The following ERAP1 variants were observed in gnomAD, a reference collection of about 807,000 sequenced individuals.
ERAP1 encodes adipocyte-derived leucine aminopeptidase.
A neutral mutation model predicts 103.7 loss-of-function variants in ERAP1; 86 were observed. The ratio of observed to expected loss-of-function variants is 0.83; its 90% CI spans 0.70 to 0.99. ERAP1 has a LOEUF of 0.99. ERAP1 is among the 50% of genes least tolerant of loss of function. The pLI is 0.00. For synonymous variants in ERAP1, 398 were observed against 402.4 expected (o/e 0.99, Z 0.13); for missense variants, 1,009 against 1,128.4 (o/e 0.89, Z 1.52).
rs763122345 is a variant in ERAP1 at position 96,776,220 on chromosome 5, C to T, written c.*176G>A. The T allele has an allele frequency of 3.6e-5, 33 of 912,602 alleles. No individual in the cohort carries two copies. The highest frequency in any genetic ancestry group is 2.7e-4 in the Middle Eastern group (1 of 3,682). 56.5% of individuals were successfully genotyped at this position (912,602 alleles called of 1,614,324 possible). On this transcript the variant is annotated 3_prime_UTR_variant, in exon 19 of 19. Coordinates refer to ENST00000443439, the MANE Select transcript of ERAP1 (RefSeq NM_001040458.3). ...CTGTGATGAACAAAACACATGGTAG[C>T]GATAGCCCATTCATGAAAAACTAAC...
the ERAP1 span, among the ~76,000 whole-genome samples, chr5:96,819,108 T>C: frequency 6.6e-6 from 1 of 151,694 alleles, no homozygotes; most frequent in Non-Finnish European, 1.5e-5. Flanking sequence ...ATATTTTTAA[T>C]AGAGACGGGG....
Position 96,774,732 on chromosome 5 carries a change from T to C in ERAP1, c.*1664A>G. The C allele has an allele frequency of 1.0e-6, 1 of 983,210 alleles. No homozygotes were observed. The highest frequency in any genetic ancestry group is 1.2e-6 in the Non-Finnish European group (1 of 827,770). 60.9% of individuals were successfully genotyped at this position (983,210 alleles called of 1,614,324 possible). ...AGAAGGGAAATAGTTTAGTTTGGGG[T>C]GGAAATTACCAGTGATTTCTATTTT... On this transcript the variant is annotated 3_prime_UTR_variant, in exon 19 of 19. Transcript: ENST00000443439.
the ERAP1 span, among the ~76,000 whole-genome samples, chr5:96,851,727 T>C: frequency 6.6e-6 from 1 of 152,166 alleles, no homozygotes; most frequent in Non-Finnish European, 1.5e-5. Context: ...AGAAATTCTA[T>C]GACAGGCTAT....
At chr5:96,802,322 A>G (rs1488786288) in intron 2 of ERAP1, among the ~76,000 whole-genome samples, 1 of 152,088 alleles carries the variant, frequency 6.6e-6, no homozygotes, top group Admixed American at 6.5e-5. Flanking sequence ...TATATAAAAC[A>G]TCTTCCCAAC....
At chr5:96,925,150 C>A in the ERAP1 span, among the ~76,000 whole-genome samples, 1 of 152,216 alleles carries the variant, frequency 6.6e-6, no homozygotes. Context: ...GTCTAAACTT[C>A]TTTGCAAGTG....
the ERAP1 span, among the ~76,000 whole-genome samples, chr5:96,929,912 C>T: frequency 2.0e-5 from 3 of 152,158 alleles, no homozygotes; most frequent in Admixed American, 1.3e-4. Context: ...TGTTTATAAC[C>T]TTTAGTGGAC....
chr5:96,842,709 T>G, the ERAP1 span, among the ~76,000 whole-genome samples: 1 of 152,228 alleles, frequency 6.6e-6, no homozygotes, highest in Non-Finnish European at 1.5e-5. Context: ...ATGCAAAAAT[T>G]TTCTCCCACT....
downstream of ERAP1, chr5:96,770,335 T>C: frequency 1.8e-6 from 1 of 543,794 alleles, no homozygotes; most frequent in Non-Finnish European, 3.3e-6. Flanking sequence ...TCCTTATTTC[T>C]ATCCTTTTTC....
At chr5:96,885,448 G>C in the ERAP1 span, among the ~76,000 whole-genome samples, 1 of 152,270 alleles carries the variant, frequency 6.6e-6, no homozygotes, top group South Asian at 2.1e-4. Context: ...TTTTCTTACA[G>C]TATTTTATCA....
At chr5:96,892,357 A>C in the ERAP1 span, 4 of 1,614,056 alleles carry the variant, frequency 2.5e-6, no homozygotes, top group Non-Finnish European at 3.4e-6. Flanking sequence ...GCCTCATTAC[A>C]TATAGGGAGA....
At chr5:96,933,344 T>A in the ERAP1 span, among the ~76,000 whole-genome samples, 1 of 151,154 alleles carries the variant, frequency 6.6e-6, no homozygotes, top group Non-Finnish European at 1.5e-5. Flanking sequence ...CAGCTTCTCA[T>A]GCCTCACCCT....
the ERAP1 span, among the ~76,000 whole-genome samples, chr5:96,876,730 T>A: frequency 1.3e-5 from 2 of 152,196 alleles, no homozygotes; most frequent in African/African-American, 4.8e-5. Flanking sequence ...GCTGCTGCAC[T>A]GACTCTCTTT....
chr5:96,883,645 A>G, the ERAP1 span: 2 of 784,586 alleles, frequency 2.5e-6, no homozygotes, highest in Non-Finnish European at 3.9e-6. Context: ...ATTTTCCTCA[A>G]AGAGACAGTT....
chr5:96,878,447 T>G, the ERAP1 span, among the ~76,000 whole-genome samples: 1 of 152,092 alleles, frequency 6.6e-6, no homozygotes, highest in Non-Finnish European at 1.5e-5. Flanking sequence ...AATATATATA[T>G]AGAATATTCT....
chr5:96,844,360 T>G, the ERAP1 span, among the ~76,000 whole-genome samples: 1 of 152,160 alleles, frequency 6.6e-6, no homozygotes, highest in Non-Finnish European at 1.5e-5. Context: ...GGCTGAGTAG[T>G]GTAACTCTCT....
the ERAP1 span, among the ~76,000 whole-genome samples, chr5:96,925,911 C>CTTTTTTT: frequency 9.5e-5 from 10 of 105,672 alleles, 2 homozygotes; most frequent in Non-Finnish European, 1.3e-4. Context: ...GTATAATTTG[C>CTTTTTTT]TTTTTTTTTT....
chr5:96,780,973 T>C, intron 17 of ERAP1, 85 bp downstream of exon 17: 1 of 1,496,148 alleles, frequency 6.7e-7, no homozygotes, highest in Non-Finnish European at 9.3e-7. Context: ...TTTAGACTGT[T>C]ACTGTTCTTT....
the ERAP1 span, among the ~76,000 whole-genome samples, chr5:96,868,075 C>CA: frequency 2.9e-4 from 44 of 151,524 alleles, no homozygotes; most frequent in South Asian, 2.9e-3. Flanking sequence ...ACTCCATCTC[C>CA]AAAAAAAAGA....
the ERAP1 span, among the ~76,000 whole-genome samples, chr5:96,916,247 C>CA: frequency 4.0e-5 from 2 of 50,602 alleles, no homozygotes; most frequent in East Asian, 1.2e-3. Flanking sequence ...AAAACAAAAA[C>CA]AAAAAACAAC....
Sources: gnomAD v4.1 joint callset for allele counts (sites outside exome capture counted in the v4.1 genomes callset) on GRCh38, gnomAD v4.1.1 for gene constraint, MANE v1.5 for transcripts, NCBI Gene and HGNC (gene_info 2026-07-23, HGNC 2026-07-21) for gene names.